The following ZNF646 variants were observed in gnomAD, a reference collection of about 807,000 sequenced individuals.
ZNF646 encodes the protein zinc finger protein 646.
A neutral mutation model predicts 115.4 loss-of-function variants in ZNF646; 49 were observed. The ratio of observed to expected loss-of-function variants is 0.42; its 90% CI spans 0.34 to 0.54. The LOEUF (loss-of-function observed/expected upper bound fraction) is 0.54, where lower values mean the gene tolerates loss of function less well. ZNF646 is among the 20% of genes least tolerant of loss of function. The pLI is 0.04. For missense variants in ZNF646, 2,269 were observed against 2,457.9 expected (o/e 0.92, Z 1.62); for synonymous variants, 933 against 939.0 (o/e 0.99, Z 0.12).
rs147316630 is a variant in ZNF646 at position 31,079,041 on chromosome 16, C to A, written c.2717C>A (p.Ser906Tyr). Residue 906 changes from serine (S) to tyrosine (Y), a missense_variant, in exon 2 of 3, where the codon TCC becomes TAC. Physicochemically the swap from Ser to Tyr is moderately radical, Grantham distance 144 (BLOSUM62 -2). Coordinates refer to ENST00000300850, the MANE Select transcript of ZNF646 (RefSeq NM_014699.4). The surrounding 1 kb of genome is among the most constrained non-coding windows in gnomAD (Gnocchi z 5.5). ...YRLHRRQAHS[S>Y]SGMTEGSEEE... ...CTTCACCGGCGCCAGGCCCACAGCTCCTCTGGCATGACTGAGGGCTCAGAG... is the reference window on the plus strand; with the variant it reads ...CTTCACCGGCGCCAGGCCCACAGCTACTCTGGCATGACTGAGGGCTCAGAG... 3.0e-5 allele frequency: 48 copies of A among 1,583,208 alleles called. No individual in the cohort carries two copies. Among genetic ancestry groups the A allele is most frequent in the East Asian group, 2.9e-4 (13 of 44,462 alleles).
In ZNF646 at chr16:31,078,061, C is replaced by A; in HGVS notation, c.1737C>A (p.Ile579=). 1 of 1,614,214 alleles carries A rather than the reference C, an allele frequency of 6.2e-7. No individual in the cohort carries two copies. ...ADKTAAHICS[I]CGLLFEDAES... is the part of the protein sequence containing the mutation. ...AGACAGCAGCACATATCTGTAGCAT[C>A]TGTGGGCTGCTCTTTGAAGACGCTG... is the stretch of plus-strand genomic sequence containing the variant. The change falls in exon 2 of 3, where the codon ATC becomes ATA. Residue 579 remains isoleucine, a synonymous_variant. Coordinates refer to ENST00000300850, the MANE Select transcript of ZNF646 (RefSeq NM_014699.4).
At position 31,076,362 on chromosome 16, in the gene ZNF646, G is replaced by C. The variant is rs909585692; in HGVS notation, c.38G>C (p.Cys13Ser). 2 of 1,613,404 alleles carry C rather than the reference G, an allele frequency of 1.2e-6. No homozygotes were observed. The highest frequency in any genetic ancestry group is 1.7e-4 in the Middle Eastern group (1 of 6,040). The change falls in exon 2 of 3, where the codon TGT becomes TCT. Residue 13 changes from cysteine to serine, a missense_variant. By Grantham distance (112) the Cys-to-Ser change is moderately radical. Transcript: ENST00000300850. ...CCCCCCTCACTCAGCTGCTCCGACT[G>C]TCAGCGCCACTTTCCCAGCCTCCCA... is the stretch of plus-strand genomic sequence containing the variant. ...DTPPSLSCSD[C>S]QRHFPSLPEL... is the part of the protein sequence containing the mutation.
chr16:31,075,936 G>T, intron 1 of ZNF646: 1 of 178,698 alleles, frequency 5.6e-6, no homozygotes, highest in Non-Finnish European at 1.2e-5. Flanking sequence ...GGACAGTAAT[G>T]CCTTTTGAGT....
rs752723575 is a variant in ZNF646 at position 31,076,613 on chromosome 16, C to T, written c.289C>T (p.His97Tyr). 3.1e-6 allele frequency: 5 copies of T among 1,613,066 alleles called. No individual in the cohort carries two copies. Among genetic ancestry groups the T allele is most frequent in the Non-Finnish European group, 4.2e-6 (5 of 1,179,832 alleles). The change falls in exon 2 of 3, where the codon CAT (histidine) becomes TAT (tyrosine). Residue 97 changes from histidine to tyrosine, a missense_variant. By Grantham distance (83) the His-to-Tyr change is moderately conservative. Transcript: ENST00000300850. ...PMALKSHMRT[H>Y]APEGRRRHRP... ...GGCTCTCAAGAGCCATATGAGGACA[C>T]ATGCTCCTGAGGGCCGCCGCAGGCA...
chr16:31,072,968 C>G (rs1233744731), upstream of ZNF646: 2 of 152,300 alleles, frequency 1.3e-5, no homozygotes, highest in Admixed American at 6.5e-5. Flanking sequence ...CGCTCTGGAC[C>G]TCAGTTTCCT....
chr16:31,079,371 C>T lies in ZNF646; in HGVS notation c.3047C>T (p.Ser1016Phe). 6.2e-7 allele frequency: 1 copy of T among 1,614,088 alleles called. No homozygotes were observed. Among genetic ancestry groups the T allele is most frequent in the Non-Finnish European group, 8.5e-7 (1 of 1,180,014 alleles). ...SVLEDIVNSV[S>F]GEGGDAKSQE... ...TTGGAGGACATAGTGAATTCTGTCT[C>T]TGGAGAGGGTGGAGATGCCAAGTCT... The change falls in exon 2 of 3, where the codon TCT becomes TTT. Residue 1016 changes from serine (S) to phenylalanine (F), a missense_variant. Coordinates refer to ENST00000300850, the MANE Select transcript of ZNF646 (RefSeq NM_014699.4). The surrounding 1 kb of genome is among the most constrained non-coding windows in gnomAD (Gnocchi z 5.5).
In ZNF646 at chr16:31,076,528, G is replaced by A. The variant is rs1162943113; in HGVS notation, c.204G>A (p.Arg68=). 6.2e-7 allele frequency: 1 copy of A among 1,613,188 alleles called. No individual in the cohort carries two copies. Among genetic ancestry groups the A allele is most frequent in the Non-Finnish European group, 8.5e-7 (1 of 1,179,462 alleles). ...RHPGSLVNHR[R]THETGLFPCT... ...CCGGGAGCCTGGTTAACCATCGTCG[G>A]ACCCACGAGACTGGCCTTTTCCCCT... is the stretch of plus-strand genomic sequence containing the variant. The change falls in exon 2 of 3, where the codon CGG becomes CGA. Residue 68 remains arginine, a synonymous_variant. Coordinates refer to ENST00000300850, the MANE Select transcript of ZNF646 (RefSeq NM_014699.4).
At chr16:31,075,005 A>G (rs746173032) in intron 1 of ZNF646, among the ~76,000 whole-genome samples, 75 of 152,222 alleles carry the variant, frequency 4.9e-4, no homozygotes, top group Admixed American at 3.5e-3. Context: ...GTGAACTAGA[A>G]TAACAGGCAT....
chr16:31,077,118 T>G lies in ZNF646; in HGVS notation c.794T>G (p.Ile265Ser). The change falls in exon 2 of 3, where the codon ATC becomes AGC. Residue 265 changes from isoleucine (I) to serine (S), a missense_variant. Transcript: ENST00000300850. ...CACCGCCAGAGCCACACGCTGGGCA[T>G]CTACCCCTGTGCCATCTGTTTCAAG... ...TNHRQSHTLG[I>S]YPCAICFKEF... 6.2e-7 allele frequency: 1 copy of G among 1,614,150 alleles called. No individual in the cohort carries two copies. The highest frequency in any genetic ancestry group is 8.5e-7 in the Non-Finnish European group (1 of 1,180,016).
Position 31,077,491 on chromosome 16 carries a change from C to T in ZNF646, c.1167C>T (p.Leu389=), listed in dbSNP as rs577497428. The change falls in exon 2 of 3, where the codon CTC becomes CTT. Residue 389 remains leucine, a synonymous_variant. Coordinates refer to ENST00000300850, the MANE Select transcript of ZNF646 (RefSeq NM_014699.4). ...GTACTTACCGCCATGCTGGGAGCCT[C>T]ATCAACCATCGAAAGAGCCACCAGA... ...CGRTYRHAGS[L]INHRKSHQTG... 3 of 1,613,454 alleles carry T rather than the reference C, an allele frequency of 1.9e-6. No homozygotes were observed. Among genetic ancestry groups the T allele is most frequent in the Admixed American group, 1.7e-5 (1 of 60,014 alleles).
In ZNF646 at chr16:31,078,577, T is replaced by C. The variant is rs1399833343; in HGVS notation, c.2253T>C (p.Asp751=). The change falls in exon 2 of 3, where the codon GAT becomes GAC. Residue 751 remains aspartate (D), a synonymous_variant. Transcript: ENST00000300850. ...LERDETHFQG[D]KESGGTGEGL... ...GGGATGAGACCCATTTCCAGGGTGATAAAGAGAGCGGAGGCACTGGGGAAG... is the reference window on the plus strand; with the variant it reads ...GGGATGAGACCCATTTCCAGGGTGACAAAGAGAGCGGAGGCACTGGGGAAG... The C allele has an allele frequency of 1.4e-5, 23 of 1,610,734 alleles. No homozygotes were observed. Among genetic ancestry groups the C allele is most frequent in the East Asian group, 6.7e-5 (3 of 44,816 alleles).
In ZNF646 at chr16:31,077,808, C is replaced by T. The variant is rs2057097166; in HGVS notation, c.1484C>T (p.Ser495Leu). Residue 495 changes from serine (S) to leucine (L), a missense_variant, in exon 2 of 3, where the codon TCA (serine) becomes TTA (leucine). This residue lies in a region of ZNF646 where 852 missense variants were observed against 900.2 expected (regional missense o/e 0.95). Coordinates refer to ENST00000300850, the MANE Select transcript of ZNF646 (RefSeq NM_014699.4). ...HSHRTGEYQC[S>L]LCPRKYPNLM... ...CATCGGACTGGAGAGTACCAGTGCT[C>T]ACTCTGTCCCCGCAAGTACCCCAAT... 3 of 1,613,928 alleles carry T rather than the reference C, an allele frequency of 1.9e-6. No homozygotes were observed. The highest frequency in any genetic ancestry group is 3.3e-4 in the Middle Eastern group (2 of 6,062).
intron 2 of ZNF646, 89 bp downstream of exon 2, chr16:31,081,790 G>A: frequency 3.4e-6 from 5 of 1,457,842 alleles, no homozygotes; most frequent in South Asian, 1.4e-5. Context: ...CAAGGAGTGA[G>A]AGGAGAGAGC....
At chr16:31,081,900 TAGC>T (rs1214261923) in intron 2 of ZNF646, 199 bp downstream of exon 2, 9 of 917,746 alleles carry the variant, frequency 9.8e-6, no homozygotes, top group East Asian at 2.7e-5. Flanking sequence ...GTATAACAAA[TAGC>T]AGGGTGGGTT....
Position 31,081,274 on chromosome 16 carries a change from A to C in ZNF646, c.4950A>C (p.Arg1650Ser), listed in dbSNP as rs1043382523. Reference sequence around the variant, plus strand: ...AGGAGGCCCCATCAGAAACCCCCAGAGGCCCAGGAGAGAGTGTGGAGAGAG... The same window carrying C: ...AGGAGGCCCCATCAGAAACCCCCAGCGGCCCAGGAGAGAGTGTGGAGAGAG... ...KAQEAPSETPRGPGESVERAR... is the reference protein window; with the variant it reads ...KAQEAPSETPSGPGESVERAR... Residue 1650 changes from arginine (R) to serine (S), a missense_variant, in exon 2 of 3, where the codon AGA (arginine) becomes AGC (serine). Arg to Ser is a moderately radical substitution (Grantham distance 110). Around this residue, in one of 5 missense-constraint regions of ZNF646, gnomAD observed 1,062 missense variants for 1,172.8 expected, o/e 0.91. Transcript: ENST00000300850. 2 of 1,609,062 alleles carry C rather than the reference A, an allele frequency of 1.2e-6. No homozygotes were observed. The highest frequency in any genetic ancestry group is 1.7e-5 in the Admixed American group (1 of 59,394).
Position 31,077,613 on chromosome 16 carries a change from T to A in ZNF646, c.1289T>A (p.Val430Asp). Residue 430 changes from valine (V) to aspartate (D), a missense_variant, in exon 2 of 3, where the codon GTT becomes GAT. By Grantham distance (152) the Val-to-Asp change is radical. Transcript: ENST00000300850. ...GCTCATCACAGGCCCAGGCAAGGAG[T>A]TGGGGAAAATGGGCAGCCATCAGTC... Reference protein sequence around the residue: ...VRAHHRPRQGVGENGQPSVPP... With the variant: ...VRAHHRPRQGDGENGQPSVPP... 6.2e-7 allele frequency: 1 copy of A among 1,612,784 alleles called. No individual in the cohort carries two copies. Among genetic ancestry groups the A allele is most frequent in the Non-Finnish European group, 8.5e-7 (1 of 1,179,626 alleles).
rs972094555 is a variant in ZNF646, at chr16:31,083,436, G to C, written c.*344G>C. The C allele has an allele frequency of 4.7e-6, 6 of 1,289,560 alleles. No individual in the cohort carries two copies. The highest frequency in any genetic ancestry group is 1.5e-5 in the African/African-American group (1 of 65,144). 79.9% of individuals were successfully genotyped at this position (1,289,560 alleles called of 1,614,324 possible). A position where few individuals can be genotyped will look rare whatever the true frequency, so the allele number is the denominator to read the frequency against. On this transcript the variant is annotated 3_prime_UTR_variant, in exon 3 of 3. Transcript: ENST00000300850. ...TACAATTTGTAACTTATTTTCTAAA[G>C]TCTATTTTGTAACAATTTATTTAAG...
chr16:31,078,021 C>A lies in ZNF646; in HGVS notation c.1697C>A (p.Thr566Asn). Reference sequence around the variant, plus strand: ...CATGAAGAAGAGGCCACGGACATCACCCCAGCAGCAGACAAGACAGCAGCA... The same window carrying A: ...CATGAAGAAGAGGCCACGGACATCAACCCAGCAGCAGACAAGACAGCAGCA... The part of the protein sequence containing the change: ...CKHEEEATDI[T>N]PAADKTAAHI... Residue 566 changes from threonine to asparagine, a missense_variant, in exon 2 of 3, where the codon ACC (threonine) becomes AAC (asparagine). This residue lies in a region of ZNF646 where 852 missense variants were observed against 900.2 expected (regional missense o/e 0.95). Coordinates refer to ENST00000300850, the MANE Select transcript of ZNF646 (RefSeq NM_014699.4). 1 of 1,614,162 alleles carries A rather than the reference C, an allele frequency of 6.2e-7. No individual in the cohort carries two copies.
chr16:31,079,606 C>T lies in ZNF646; in HGVS notation c.3282C>T (p.Tyr1094=), dbSNP rs775363870. ...GCTGCTACCCCAACCTGGCTGCCTACCGTAATCATCTGCGGAACCACCCTC... is the reference window on the plus strand; with the variant it reads ...GCTGCTACCCCAACCTGGCTGCCTATCGTAATCATCTGCGGAACCACCCTC... ...CSRCYPNLAA[Y]RNHLRNHPRC... is the part of the protein sequence containing the mutation. Residue 1094 remains tyrosine (Y), a synonymous_variant, in exon 2 of 3, where the codon TAC becomes TAT. Coordinates refer to ENST00000300850, the MANE Select transcript of ZNF646 (RefSeq NM_014699.4). This position sits in a 1 kb window ranked among gnomAD's most constrained non-coding sequence, Gnocchi z 5.5. 2.0e-4 allele frequency: 322 copies of T among 1,613,238 alleles called. No homozygotes were observed. The highest frequency in any genetic ancestry group is 2.4e-4 in the Non-Finnish European group (287 of 1,180,020).
Sources: allele counts gnomAD v4.1 joint callset (sites outside exome capture counted in the v4.1 genomes callset), GRCh38; gene constraint gnomAD v4.1.1; regional missense constraint gnomAD v4.1.1; non-coding constraint Gnocchi (gnomAD v3.1); transcripts MANE v1.5; gene names NCBI Gene and HGNC (gene_info 2026-07-23, HGNC 2026-07-21).